Variants in ZC3H15 observed in about 807,000 individuals in gnomAD.
The protein encoded by ZC3H15 is zinc finger CCCH-type containing 15, also known as zinc finger CCCH domain-containing protein 15.
A neutral mutation model predicts 51.2 loss-of-function variants in ZC3H15; 15 were observed. That is an observed-to-expected ratio of 0.29 (90% confidence interval 0.20 to 0.45). ZC3H15 has a LOEUF of 0.45. Ranked by LOEUF, ZC3H15 falls within the 20% of genes least tolerant of loss-of-function variation. The pLI is 1.00. For missense variants in ZC3H15, 381 were observed against 494.7 expected, an observed-to-expected ratio of 0.77 and a Z score of 2.18; for synonymous variants, 144 against 162.8, an observed-to-expected ratio of 0.88 and a Z score of 0.88.
intron 9 of ZC3H15, chr2:186,507,404 A>C (rs138051281): frequency 2.2e-6 from 1 of 456,698 alleles, no homozygotes; most frequent in East Asian, 6.9e-5. Flanking sequence ...GAGGGAAGAC[A>C]TGGTCATGGG....
chr2:186,506,972 C>A, intron 9 of ZC3H15, 136 bp downstream of exon 9: 1 of 990,482 alleles, frequency 1.0e-6, no homozygotes, highest in Non-Finnish European at 1.4e-6. Context: ...TAAATAAAAG[C>A]AGTAATAAAT....
chr2:186,500,460 A>G lies in ZC3H15; in HGVS notation c.289+167A>G, dbSNP rs538716466. Among the ~76,000 whole-genome samples, 21 of 152,256 alleles carry G rather than the reference A, an allele frequency of 1.4e-4. No homozygotes were observed. In the South Asian group the frequency reaches 2.7e-3, roughly 20 times the overall value. On this transcript the variant is annotated intron_variant, in intron 3 of 9. Transcript: ENST00000337859. The stretch of plus-strand genomic sequence containing the variant: ...AGTGGGTTGCTTATGATTCCTCTGT[A>G]TATGTTCACATCTGTGTCATTGTAC...
At chr2:186,497,641 T>C (rs767969581) in intron 2 of ZC3H15, among the ~76,000 whole-genome samples, 11 of 152,170 alleles carry the variant, frequency 7.2e-5, no homozygotes, top group Non-Finnish European at 1.6e-4. Flanking sequence ...AATATAGATA[T>C]CAATATGTAA....
chr2:186,493,647 C>G (rs1212719261), intron 1 of ZC3H15, among the ~76,000 whole-genome samples: 1 of 152,000 alleles, frequency 6.6e-6, no homozygotes, highest in Non-Finnish European at 1.5e-5. Flanking sequence ...TCTCAGAGAT[C>G]TGGAGGCTAG....
Position 186,502,499 on chromosome 2 carries a change from C to G in ZC3H15, c.446C>G (p.Thr149Ser). Residue 149 changes from threonine to serine, a missense_variant, in exon 5 of 10, where the codon ACT (threonine) becomes AGT (serine). By Grantham distance (58) the Thr-to-Ser change is moderately conservative. Coordinates refer to ENST00000337859, the MANE Select transcript of ZC3H15 (RefSeq NM_018471.3). The part of the protein sequence containing the change: ...DARDEELEKD[T>S]MDNWDEKKLE... ...TAATCTTCATTTCTTTATTTAGATA[C>G]TATGGATAATTGGGATGAGAAAAAG... The G allele has an allele frequency of 6.2e-7, 1 of 1,609,948 alleles. No homozygotes were observed. The highest frequency in any genetic ancestry group is 8.5e-7 in the Non-Finnish European group (1 of 1,177,686).
chr2:186,500,650 T>C (rs749310877), intron 3 of ZC3H15: 1 of 475,852 alleles, frequency 2.1e-6, no homozygotes, highest in African/African-American at 2.0e-5. Context: ...TATGTTCATT[T>C]CTTTTTTGCC....
At position 186,505,754 on chromosome 2, in the gene ZC3H15, A is replaced by G; in HGVS notation, c.879A>G (p.Glu293=). Residue 293 remains glutamate, a synonymous_variant, in exon 8 of 10, where the codon GAA becomes GAG. Coordinates refer to ENST00000337859, the MANE Select transcript of ZC3H15 (RefSeq NM_018471.3). Reference sequence around the variant, plus strand: ...TGTCTCAATAGATCAGTGGTCGTGAAGTGTTTGAATTTCGTCCTGAACTGG... The same window carrying G: ...TGTCTCAATAGATCAGTGGTCGTGAGGTGTTTGAATTTCGTCCTGAACTGG... ...AGKALVISGR[E]VFEFRPELVN... is the part of the protein sequence containing the mutation. 2 of 1,614,098 alleles carry G rather than the reference A, an allele frequency of 1.2e-6. No homozygotes were observed. The highest frequency in any genetic ancestry group is 1.7e-6 in the Non-Finnish European group (2 of 1,179,992).
intron 5 of ZC3H15, 90 bp from the exon 6 acceptor site, chr2:186,503,942 T>C (rs1685427041): frequency 9.7e-7 from 1 of 1,035,508 alleles, no homozygotes. Flanking sequence ...TATAACGTAC[T>C]TGTGTGTATA....
chr2:186,487,982 T>C (rs745818097), intron 1 of ZC3H15, among the ~76,000 whole-genome samples: 3 of 152,204 alleles, frequency 2.0e-5, no homozygotes, highest in Non-Finnish European at 1.5e-5. Flanking sequence ...ATGATTCTAG[T>C]CATCTTGTGA....
chr2:186,497,135 A>G (rs1243105735), intron 2 of ZC3H15: 7 of 443,528 alleles, frequency 1.6e-5, no homozygotes, highest in Non-Finnish European at 3.1e-5. Context: ...TTTAAAGTAC[A>G]TTTTTCCACC....
intron 4 of ZC3H15, among the ~76,000 whole-genome samples, chr2:186,502,196 G>A (rs1280734699): frequency 6.6e-6 from 1 of 151,780 alleles, no homozygotes; most frequent in African/African-American, 2.4e-5. Flanking sequence ...CAAAAAAATA[G>A]AAAAATTAGC....
Position 186,504,056 on chromosome 2 carries a change from A to G in ZC3H15, c.559A>G (p.Ile187Val), listed in dbSNP as rs1487754557. 2.5e-6 allele frequency: 4 copies of G among 1,598,668 alleles called. No individual in the cohort carries two copies. The highest frequency in any genetic ancestry group is 3.4e-6 in the Non-Finnish European group (4 of 1,173,606). The change falls in exon 6 of 10, where the codon ATT becomes GTT. Residue 187 changes from isoleucine to valine, a missense_variant. Coordinates refer to ENST00000337859, the MANE Select transcript of ZC3H15 (RefSeq NM_018471.3). ...QIVCKHFLEA[I>V]ENNKYGWFWV... ...GGTGTGCAAGCATTTCCTGGAAGCT[A>G]TTGAAAACAACAAGTATGGCTGGTT...
At chr2:186,499,608 A>T (rs1250577991) in intron 2 of ZC3H15, 1 of 455,608 alleles carries the variant, frequency 2.2e-6, no homozygotes, top group Non-Finnish European at 4.4e-6. Context: ...ATTCTCTGTC[A>T]TCTAACATAG....
At chr2:186,489,415 C>A (rs1685159168) in intron 1 of ZC3H15, among the ~76,000 whole-genome samples, 1 of 151,972 alleles carries the variant, frequency 6.6e-6, no homozygotes, top group African/African-American at 2.4e-5. Context: ...AGTGACTATT[C>A]CAAGAAGATA....
At chr2:186,503,723 G>A (rs1414158322) in intron 5 of ZC3H15, among the ~76,000 whole-genome samples, 1 of 152,100 alleles carries the variant, frequency 6.6e-6, no homozygotes, top group Non-Finnish European at 1.5e-5. Context: ...TGATTCGGGG[G>A]CGTACATTTA....
intron 2 of ZC3H15, 68 bp downstream of exon 2, chr2:186,495,402 ATGTC>A (rs1574423418): frequency 3.2e-6 from 3 of 934,116 alleles, no homozygotes; most frequent in Non-Finnish European, 3.0e-6. Flanking sequence ...TTCAGATAAA[ATGTC>A]TGGTATTATT....
At chr2:186,494,070 T>A (rs957065819) in intron 1 of ZC3H15, among the ~76,000 whole-genome samples, 1 of 151,418 alleles carries the variant, frequency 6.6e-6, no homozygotes, top group African/African-American at 2.4e-5. Flanking sequence ...GCATACTTAT[T>A]TTTTTTAATG....
In ZC3H15 at chr2:186,486,370, A is replaced by G. The variant is rs752814928; in HGVS notation, c.-13A>G. On this transcript the variant is annotated 5_prime_UTR_variant, in exon 1 of 10. Coordinates refer to ENST00000337859, the MANE Select transcript of ZC3H15 (RefSeq NM_018471.3). Reference sequence around the variant, plus strand: ...GCTGCGCGTAAGTCTGGCCGGTGCCATCTGTCTCCGCAATGCCCCCCAAGA... The same window carrying G: ...GCTGCGCGTAAGTCTGGCCGGTGCCGTCTGTCTCCGCAATGCCCCCCAAGA... 2.1e-5 allele frequency: 32 copies of G among 1,533,774 alleles called. No homozygotes were observed. The highest frequency in any genetic ancestry group is 2.6e-5 in the Non-Finnish European group (30 of 1,136,164).
intron 1 of ZC3H15, among the ~76,000 whole-genome samples, chr2:186,491,397 C>A (rs941640787): frequency 6.6e-6 from 1 of 152,086 alleles, no homozygotes; most frequent in African/African-American, 2.4e-5. Context: ...TGTATTATTA[C>A]CCTTTTTGCA....
Sources: gnomAD v4.1 joint callset for allele counts (sites outside exome capture counted in the v4.1 genomes callset) on GRCh38, gnomAD v4.1.1 for gene constraint, MANE v1.5 for transcripts, NCBI Gene and HGNC (gene_info 2026-07-23, HGNC 2026-07-21) for gene names.